Variants in MAP3K5 observed in about 807,000 individuals in gnomAD.
MAP3K5 encodes mitogen-activated protein kinase kinase kinase 5.
MAP3K5 carries 56 observed loss-of-function variants against 158.7 expected under a neutral mutation model. The ratio of observed to expected loss-of-function variants is 0.35; its 90% CI spans 0.28 to 0.44. The LOEUF (loss-of-function observed/expected upper bound fraction) is 0.44. MAP3K5 is among the 20% of genes least tolerant of loss of function. The pLI, the probability that MAP3K5 is intolerant of heterozygous loss-of-function variation, is 1.00. For missense variants in MAP3K5, 1,294 were observed against 1,674.8 expected, an observed-to-expected ratio of 0.77 and a Z score of 3.97; for synonymous variants, 579 against 601.7, an observed-to-expected ratio of 0.96 and a Z score of 0.55.
chr6:136,709,602 G>C (rs145933937), intron 2 of MAP3K5, among the ~76,000 whole-genome samples: 1 of 152,276 alleles, frequency 6.6e-6, no homozygotes, highest in Non-Finnish European at 1.5e-5. Context: ...AGGCTCTATA[G>C]AAAAGCAAAT....
chr6:136,660,532 C>T (rs550081665), intron 8 of MAP3K5, among the ~76,000 whole-genome samples: 4 of 152,184 alleles, frequency 2.6e-5, no homozygotes, highest in Non-Finnish European at 5.9e-5. Flanking sequence ...TTTTTCAACA[C>T]TGTTTTGGCA....
At chr6:136,564,539 T>C (rs1471601429) in intron 26 of MAP3K5, among the ~76,000 whole-genome samples, 1 of 152,216 alleles carries the variant, frequency 6.6e-6, no homozygotes, top group Non-Finnish European at 1.5e-5. Context: ...AATGTTTAAG[T>C]TGGCAGTTTT....
At chr6:136,697,895 C>T (rs1357206021) in intron 4 of MAP3K5, among the ~76,000 whole-genome samples, 1 of 152,100 alleles carries the variant, frequency 6.6e-6, no homozygotes, top group Non-Finnish European at 1.5e-5. Context: ...CAGGTGTGCA[C>T]CACCACACCT....
intron 7 of MAP3K5, among the ~76,000 whole-genome samples, chr6:136,682,433 G>A (rs929475070): frequency 6.6e-6 from 1 of 152,174 alleles, no homozygotes; most frequent in African/African-American, 2.4e-5. Context: ...TTATTTGTCT[G>A]TTGATTAGTT....
At chr6:136,739,176 G>A (rs1460119847) in intron 1 of MAP3K5, among the ~76,000 whole-genome samples, 5 of 152,152 alleles carry the variant, frequency 3.3e-5, no homozygotes, top group African/African-American at 1.2e-4. Context: ...TAGAAATAAA[G>A]GGATGTAGAA....
At chr6:136,713,498 A>G (rs778346411) in intron 2 of MAP3K5, among the ~76,000 whole-genome samples, 4 of 152,232 alleles carry the variant, frequency 2.6e-5, no homozygotes, top group African/African-American at 4.8e-5. Context: ...TAATAACCTC[A>G]GGGATTCTAC....
chr6:136,753,240 T>G (rs1439434846), intron 1 of MAP3K5, among the ~76,000 whole-genome samples: 1 of 152,278 alleles, frequency 6.6e-6, no homozygotes, highest in Non-Finnish European at 1.5e-5. Context: ...TAAATACATC[T>G]GAGTTGTCAG....
At chr6:136,685,094 C>G (rs1239021816) in intron 7 of MAP3K5, among the ~76,000 whole-genome samples, 1 of 151,958 alleles carries the variant, frequency 6.6e-6, no homozygotes, top group African/African-American at 2.4e-5. Flanking sequence ...GCAGGTGGAT[C>G]TGGAGCCCAG....
intron 11 of MAP3K5, among the ~76,000 whole-genome samples, chr6:136,649,266 A>G (rs558404668): frequency 3.3e-5 from 5 of 152,176 alleles, no homozygotes; most frequent in Non-Finnish European, 7.3e-5. Flanking sequence ...CACTGTGCCC[A>G]GCTGGAATCT....
chr6:136,631,446 AAAG>A (rs758020423), intron 14 of MAP3K5, among the ~76,000 whole-genome samples: 5 of 152,216 alleles, frequency 3.3e-5, no homozygotes, highest in Non-Finnish European at 7.3e-5. Flanking sequence ...AATCATCAGA[AAAG>A]AAAACAGTAA....
At chr6:136,639,369 C>A (rs1050968402) in intron 13 of MAP3K5, among the ~76,000 whole-genome samples, 174 bp downstream of exon 13, 1 of 133,118 alleles carries the variant, frequency 7.5e-6, no homozygotes, top group Non-Finnish European at 1.5e-5. Flanking sequence ...TTAAAGAAAA[C>A]CCCCCCCCAA....
intron 25 of MAP3K5, among the ~76,000 whole-genome samples, chr6:136,576,759 G>A (rs143430557): frequency 5.1e-4 from 78 of 152,194 alleles, no homozygotes; most frequent in Non-Finnish European, 9.4e-4. Flanking sequence ...AATCATGTAC[G>A]GTATAATAAC....
chr6:136,653,044 C>A (rs532098953), intron 10 of MAP3K5, among the ~76,000 whole-genome samples: 1 of 152,244 alleles, frequency 6.6e-6, no homozygotes, highest in Admixed American at 6.5e-5. Context: ...GTATCTGAAT[C>A]AAAAAGGAAG....
At chr6:136,690,617 TCCATTTTTGTGA>T (rs1399814894) in intron 7 of MAP3K5, among the ~76,000 whole-genome samples, 1 of 152,182 alleles carries the variant, frequency 6.6e-6, no homozygotes, top group Non-Finnish European at 1.5e-5. Context: ...CATTTGTGAT[TCCATTTTTGTGA>T]ATAACCTGTT....
intron 14 of MAP3K5, among the ~76,000 whole-genome samples, chr6:136,626,288 T>C (rs1172797172): frequency 4.6e-5 from 7 of 152,198 alleles, no homozygotes; most frequent in African/African-American, 1.7e-4. Context: ...CTCCTTAGCA[T>C]GAATTCTTCT....
intron 21 of MAP3K5, chr6:136,593,714 CAAAAAAA>C: frequency 7.5e-5 from 18 of 240,116 alleles, no homozygotes; most frequent in East Asian, 2.2e-4. Context: ...GACAGATATG[CAAAAAAA>C]AAAAAAAAAA....
At chr6:136,784,023 G>A (rs1258880934) in intron 1 of MAP3K5, among the ~76,000 whole-genome samples, 1 of 152,206 alleles carries the variant, frequency 6.6e-6, no homozygotes, top group East Asian at 1.9e-4. Flanking sequence ...AGTTCTTATA[G>A]CCACCAGAGG....
chr6:136,687,024 T>C (rs963440965), intron 7 of MAP3K5, among the ~76,000 whole-genome samples: 1 of 152,044 alleles, frequency 6.6e-6, no homozygotes, highest in African/African-American at 2.4e-5. Context: ...CTTCAAACTA[T>C]ACTACAAGGC....
chr6:136,772,364 G>A (rs535168301), intron 1 of MAP3K5, among the ~76,000 whole-genome samples: 1 of 152,266 alleles, frequency 6.6e-6, no homozygotes, highest in East Asian at 1.9e-4. Flanking sequence ...CCCTGTAGAA[G>A]ATATCATCAG....
Sources: gnomAD v4.1 joint callset for allele counts (sites outside exome capture counted in the v4.1 genomes callset) on GRCh38, gnomAD v4.1.1 for gene constraint, MANE v1.5 for transcripts, NCBI Gene and HGNC (gene_info 2026-07-23, HGNC 2026-07-21) for gene names.